The following MPPED2 variants were observed in gnomAD, a reference collection of about 807,000 sequenced individuals.
MPPED2 encodes the protein metallophosphoesterase domain containing 2.
A neutral mutation model predicts 33.0 loss-of-function variants in MPPED2; 5 were observed. That is an observed-to-expected ratio of 0.15 (90% CI 0.08 to 0.32). The LOEUF (loss-of-function observed/expected upper bound fraction) is 0.32. Ranked by LOEUF, MPPED2 falls within the 10% of genes least tolerant of loss-of-function variation. The probability of loss-of-function intolerance (pLI) is 1.00; values close to 1 mark genes in which losing one functional copy is unlikely to be tolerated. For synonymous variants in MPPED2, 136 were observed against 141.9 expected, an observed-to-expected ratio of 0.96 and a Z score of 0.29; for missense variants, 275 against 372.1, an observed-to-expected ratio of 0.74 and a Z score of 2.15.
At chr11:30,469,813 C>T (rs1950874280) in intron 4 of MPPED2, among the ~76,000 whole-genome samples, 2 of 152,168 alleles carry the variant, frequency 1.3e-5, no homozygotes, top group African/African-American at 4.8e-5. Flanking sequence ...TCCCTCTCTA[C>T]ACTTATTAAT....
intron 4 of MPPED2, among the ~76,000 whole-genome samples, chr11:30,422,828 A>G (rs1948668894): frequency 6.6e-6 from 1 of 152,138 alleles, no homozygotes; most frequent in Non-Finnish European, 1.5e-5. Context: ...CTAGGGAGAG[A>G]TTAGAAAACT....
At chr11:30,408,878 T>A (rs1020555715), downstream of MPPED2, among the ~76,000 whole-genome samples, 7 of 152,170 alleles carry the variant, frequency 4.6e-5, no homozygotes, top group Non-Finnish European at 1.5e-5. Context: ...TTGTAAGAGC[T>A]GTTTTGAATA....
intron 3 of MPPED2, among the ~76,000 whole-genome samples, chr11:30,516,546 A>G (rs1431622216): frequency 6.6e-6 from 1 of 152,142 alleles, no homozygotes; most frequent in Non-Finnish European, 1.5e-5. Flanking sequence ...GAAGCTGCCC[A>G]TTTTTCTTGC....
chr11:30,452,202 AC>A (rs1950092047), intron 4 of MPPED2: 1 of 522,302 alleles, frequency 1.9e-6, no homozygotes, highest in South Asian at 8.3e-5. Context: ...TCCTCCCTGC[AC>A]CCAGCACTCT....
chr11:30,488,207 T>A (rs905292175), intron 4 of MPPED2, among the ~76,000 whole-genome samples: 1 of 152,220 alleles, frequency 6.6e-6, no homozygotes, highest in Non-Finnish European at 1.5e-5. Flanking sequence ...TAATTATTAT[T>A]AGTAATACAT....
chr11:30,414,016 G>T (rs1297726507), intron 6 of MPPED2, among the ~76,000 whole-genome samples: 1 of 152,118 alleles, frequency 6.6e-6, no homozygotes. Flanking sequence ...TAGACCAGAC[G>T]TGCTTCCTAC....
chr11:30,401,650 A>G (rs1947909698), intron 6 of MPPED2, among the ~76,000 whole-genome samples: 1 of 152,218 alleles, frequency 6.6e-6, no homozygotes, highest in South Asian at 2.1e-4. Context: ...TAATTTTTCA[A>G]AATTTTCTGA....
chr11:30,572,541 A>C (rs1311220453), intron 2 of MPPED2, among the ~76,000 whole-genome samples: 1 of 152,196 alleles, frequency 6.6e-6, no homozygotes, highest in African/African-American at 2.4e-5. Context: ...AACATTTTAC[A>C]AATTATGGCC....
intron 4 of MPPED2, among the ~76,000 whole-genome samples, chr11:30,480,546 A>G (rs1052281225): frequency 2.6e-5 from 4 of 152,140 alleles, no homozygotes; most frequent in Non-Finnish European, 5.9e-5. Context: ...ATCAAGCTGA[A>G]GCACTTATTA....
intron 4 of MPPED2, among the ~76,000 whole-genome samples, chr11:30,428,029 G>A (rs888952902): frequency 1.3e-5 from 2 of 152,154 alleles, no homozygotes; most frequent in Non-Finnish European, 2.9e-5. Context: ...TATTAAGGGG[G>A]TAGGGAAATT....
intron 3 of MPPED2, among the ~76,000 whole-genome samples, chr11:30,508,010 C>T (rs1952936380): frequency 6.6e-6 from 1 of 152,112 alleles, no homozygotes; most frequent in Non-Finnish European, 1.5e-5. Context: ...TTCTAGAGAT[C>T]TAGGCCTCAG....
At chr11:30,496,765 CA>C (rs1281235946) in intron 3 of MPPED2, among the ~76,000 whole-genome samples, 2 of 152,094 alleles carry the variant, frequency 1.3e-5, no homozygotes, top group African/African-American at 4.8e-5. Context: ...ACTTGGATTT[CA>C]GCAATTCAAA....
intron 4 of MPPED2, among the ~76,000 whole-genome samples, chr11:30,418,769 C>A (rs1047838285): frequency 6.6e-6 from 1 of 152,182 alleles, no homozygotes; most frequent in Non-Finnish European, 1.5e-5. Context: ...AAATGGAGTG[C>A]ACACTTACTT....
intron 2 of MPPED2, among the ~76,000 whole-genome samples, chr11:30,542,985 T>C (rs1955210682): frequency 3.3e-5 from 5 of 152,202 alleles, no homozygotes; most frequent in Admixed American, 3.3e-4. Context: ...ATTATTGGAA[T>C]TAGTTGTCAA....
At chr11:30,528,801 C>T (rs1223372083) in intron 3 of MPPED2, among the ~76,000 whole-genome samples, 1 of 152,026 alleles carries the variant, frequency 6.6e-6, no homozygotes, top group East Asian at 1.9e-4. Context: ...GATTTGCTGC[C>T]ACTGAGGGTA....
intron 2 of MPPED2, among the ~76,000 whole-genome samples, chr11:30,560,960 C>T (rs139236791): frequency 3.9e-5 from 6 of 152,284 alleles, no homozygotes; most frequent in South Asian, 2.1e-4. Context: ...TGCTTAACAA[C>T]GTGGCTTCTT....
intron 2 of MPPED2, among the ~76,000 whole-genome samples, chr11:30,555,343 A>C (rs1955914410): frequency 6.6e-6 from 1 of 152,190 alleles, no homozygotes; most frequent in Non-Finnish European, 1.5e-5. Flanking sequence ...TGAGACCCAG[A>C]TATTAATATC....
At chr11:30,581,704 T>G (rs1957176825) in intron 1 of MPPED2, among the ~76,000 whole-genome samples, 1 of 152,224 alleles carries the variant, frequency 6.6e-6, no homozygotes, top group African/African-American at 2.4e-5. Flanking sequence ...TATTTTATTA[T>G]TTTACAACCC....
intron 1 of MPPED2, among the ~76,000 whole-genome samples, chr11:30,585,148 CA>C (rs1957400209): frequency 6.6e-6 from 1 of 152,160 alleles, no homozygotes; most frequent in Admixed American, 6.5e-5. Context: ...AAAGGCTTTA[CA>C]AAGATAACCT....
Sources: gnomAD v4.1 joint callset for allele counts (sites outside exome capture counted in the v4.1 genomes callset) on GRCh38, gnomAD v4.1.1 for gene constraint, MANE v1.5 for transcripts, NCBI Gene and HGNC (gene_info 2026-07-23, HGNC 2026-07-21) for gene names.